PCDHGA1: variants seen among roughly 807,000 people sequenced by gnomAD.
PCDHGA1 encodes the protein protocadherin gamma-A1.
In PCDHGA1, 32 loss-of-function variants were observed where a neutral mutation model predicts 58.0. The observed-to-expected ratio is 0.55, with a 90% CI of 0.42 to 0.74. PCDHGA1 has a LOEUF of 0.74. PCDHGA1 is among the 30% of genes least tolerant of loss of function. The pLI is 0.00. For missense variants in PCDHGA1, 1,205 were observed against 1,182.3 expected (o/e 1.02, Z -0.28); for synonymous variants, 498 against 501.1 (o/e 0.99, Z 0.08).
At position 141,384,450 on chromosome 5, in the gene PCDHGA1, G is replaced by A. The variant is rs756281053; in HGVS notation, c.2421+51345G>A. On this transcript the variant is annotated intron_variant, in intron 1 of 3. Coordinates refer to ENST00000517417, the MANE Select transcript of PCDHGA1 (RefSeq NM_018912.3). ...CTGACACTGGAGTCCTGTACGCGCT[G>A]CAATCCTTTGATTATGAGCAGTTGA... is the stretch of plus-strand genomic sequence containing the variant. 4 of 1,614,040 alleles carry A rather than the reference G, an allele frequency of 2.5e-6. No homozygotes were observed. In the Admixed American group the frequency reaches 6.7e-5, roughly 27 times the overall value.
chr5:141,330,641 AC>A lies in PCDHGA1; in HGVS notation c.-41del, dbSNP rs752261572. ...TTCAGCTCAGAAAAGCAGAAACGAT[AC>A]CCTTGGTACTGGACTGGAAGAAAAC... On this transcript the variant is annotated 5_prime_UTR_variant, in exon 1 of 4. Coordinates refer to ENST00000517417, the MANE Select transcript of PCDHGA1 (RefSeq NM_018912.3). 13 of 1,524,876 alleles carry A rather than the reference AC, an allele frequency of 8.5e-6. No individual in the cohort carries two copies. Among genetic ancestry groups the A allele is most frequent in the Admixed American group, 2.2e-5 (1 of 45,818 alleles). 94.5% of individuals were successfully genotyped at this position (1,524,876 alleles called of 1,614,324 possible). A position where few individuals can be genotyped will look rare whatever the true frequency, so the allele number is the denominator to read the frequency against.
At position 141,477,118 on chromosome 5, in the gene PCDHGA1, A is replaced by T. The variant is rs2099405787; in HGVS notation, c.2422-17689A>T. The T allele has an allele frequency of 6.2e-7, 1 of 1,614,228 alleles. No homozygotes were observed. Among genetic ancestry groups the T allele is most frequent in the Non-Finnish European group, 8.5e-7 (1 of 1,180,034 alleles). On this transcript the variant is annotated intron_variant, in intron 1 of 3. Coordinates refer to ENST00000517417, the MANE Select transcript of PCDHGA1 (RefSeq NM_018912.3). This position sits in a 1 kb window ranked among gnomAD's most constrained non-coding sequence, Gnocchi z 4.9. ...ACAAGGGCGCCAATCCCGAAGGAGC[A>T]CATTGCAAAGTGTTGGTGGAGGTTG...
chr5:141,381,901 C>T (rs1036292864), intron 1 of PCDHGA1, among the ~76,000 whole-genome samples: 24 of 130,248 alleles, frequency 1.8e-4, no homozygotes, highest in African/African-American at 6.8e-4. Flanking sequence ...GTGATCTCGG[C>T]TCACCACAAC....
chr5:141,432,050 C>T lies in PCDHGA1; in HGVS notation c.2422-62757C>T. The stretch of plus-strand genomic sequence containing the variant: ...GACCGCCACTGACCGGGGAACCCCG[C>T]CCCTATCCACGGAAACTCATATCTC... On this transcript the variant is annotated intron_variant, in intron 1 of 3. Transcript: ENST00000517417. The surrounding 1 kb of genome is among the most constrained non-coding windows in gnomAD (Gnocchi z 6.0). The T allele has an allele frequency of 6.2e-7, 1 of 1,614,218 alleles. No individual in the cohort carries two copies. The highest frequency in any genetic ancestry group is 8.5e-7 in the Non-Finnish European group (1 of 1,180,044).
chr5:141,365,878 T>C (rs745332841), intron 1 of PCDHGA1: 4 of 1,614,104 alleles, frequency 2.5e-6, no homozygotes. Context: ...TCCTGTATGC[T>C]CTGAGATCCT....
intron 1 of PCDHGA1, chr5:141,441,182 CA>C (rs1434822697): frequency 6.6e-6 from 1 of 152,140 alleles, no homozygotes; most frequent in African/African-American, 2.4e-5. Flanking sequence ...TCTAATTCCA[CA>C]ATGATTCCCA....
At chr5:141,420,228 G>C (rs750839002) in intron 1 of PCDHGA1, 3 of 1,603,310 alleles carry the variant, frequency 1.9e-6, no homozygotes, top group Non-Finnish European at 2.6e-6. Flanking sequence ...CTACTGGCTA[G>C]CATTTTAACT....
At chr5:141,435,446 G>C (rs889481920) in intron 1 of PCDHGA1, among the ~76,000 whole-genome samples, 5 of 152,060 alleles carry the variant, frequency 3.3e-5, no homozygotes, top group African/African-American at 2.4e-5. Context: ...TCATTAATAC[G>C]ATATCTGTAT....
At position 141,485,221 on chromosome 5, in the gene PCDHGA1, C is replaced by A; in HGVS notation, c.2422-9586C>A. 4 of 1,614,118 alleles carry A rather than the reference C, an allele frequency of 2.5e-6. No individual in the cohort carries two copies. The highest frequency in any genetic ancestry group is 2.2e-5 in the East Asian group (1 of 44,868). ...GGACAGAAATCTGGCGGTGGGCTAC[C>A]CTTTTGTTCCTCTTTTACCACCTGG... On this transcript the variant is annotated intron_variant, in intron 1 of 3. Coordinates refer to ENST00000517417, the MANE Select transcript of PCDHGA1 (RefSeq NM_018912.3). The surrounding 1 kb of genome is among the most constrained non-coding windows in gnomAD (Gnocchi z 5.7).
chr5:141,405,164 T>C, intron 1 of PCDHGA1: 1 of 1,614,076 alleles, frequency 6.2e-7, no homozygotes, highest in East Asian at 2.2e-5. Flanking sequence ...TGTGCCCACC[T>C]CACACTTTGT....
Position 141,485,330 on chromosome 5 carries a change from C to T in PCDHGA1, c.2422-9477C>T. On this transcript the variant is annotated intron_variant, in intron 1 of 3. Transcript: ENST00000517417. This position sits in a 1 kb window ranked among gnomAD's most constrained non-coding sequence, Gnocchi z 5.7. ...TGTAGGGAATGTCGCTCAAGATTTC[C>T]TGCTGGATACGGACAGTCTGTCAGC... 6.2e-7 allele frequency: 1 copy of T among 1,614,164 alleles called. No individual in the cohort carries two copies. Among genetic ancestry groups the T allele is most frequent in the East Asian group, 2.2e-5 (1 of 44,862 alleles).
In PCDHGA1 at chr5:141,432,661, C is replaced by T; in HGVS notation, c.2422-62146C>T. ...TGCGCACGGCGCGAGCCCTGCTGGACAGAGACGCGCTCAAGCAGAGCCTCG... is the reference window on the plus strand; with the variant it reads ...TGCGCACGGCGCGAGCCCTGCTGGATAGAGACGCGCTCAAGCAGAGCCTCG... On this transcript the variant is annotated intron_variant, in intron 1 of 3. Transcript: ENST00000517417. This position sits in a 1 kb window ranked among gnomAD's most constrained non-coding sequence, Gnocchi z 6.0. 3.1e-6 allele frequency: 5 copies of T among 1,613,886 alleles called. No homozygotes were observed. In the South Asian group the frequency reaches 5.5e-5, roughly 18 times the overall value.
rs201851177 is a variant in PCDHGA1, at chr5:141,376,061, C to G, written c.2421+42956C>G. On this transcript the variant is annotated intron_variant, in intron 1 of 3. Transcript: ENST00000517417. ...GCCCCCTCTCTCCGCCACTGTCACG[C>G]TCACCGTGGCCGTGGCCGACAGGAT... is the stretch of plus-strand genomic sequence containing the variant. The G allele has an allele frequency of 8.2e-4, 1,321 of 1,613,326 alleles. No individual in the cohort carries two copies. Among genetic ancestry groups the G allele is most frequent in the Non-Finnish European group, 1.0e-3 (1,200 of 1,179,910 alleles).
chr5:141,349,894 A>G (rs554115110), intron 1 of PCDHGA1, among the ~76,000 whole-genome samples: 1 of 152,312 alleles, frequency 6.6e-6, no homozygotes, highest in Admixed American at 6.5e-5. Flanking sequence ...TGATGATGAC[A>G]AACTAGAAAA....
At chr5:141,362,487 T>A in intron 1 of PCDHGA1, 1 of 1,614,040 alleles carries the variant, frequency 6.2e-7, no homozygotes, top group Non-Finnish European at 8.5e-7. Context: ...TCTGTGACAA[T>A]GCCTCTTGGG....
At chr5:141,374,137 G>T (rs1479377011) in intron 1 of PCDHGA1, 11 of 1,606,212 alleles carry the variant, frequency 6.8e-6, no homozygotes, top group African/African-American at 1.3e-5. Flanking sequence ...TGCTCCTCAC[G>T]CTCCTGGGGA....
intron 1 of PCDHGA1, among the ~76,000 whole-genome samples, chr5:141,472,313 A>G (rs1411876003): frequency 6.7e-6 from 1 of 150,164 alleles, no homozygotes; most frequent in East Asian, 2.0e-4. Context: ...AAGCCGAGGC[A>G]GGCAGATCAC....
At chr5:141,383,843 A>G in intron 1 of PCDHGA1, 4 of 1,613,970 alleles carry the variant, frequency 2.5e-6, no homozygotes, top group Non-Finnish European at 2.5e-6. Flanking sequence ...ACTGCCTTCT[A>G]TGAAATGGAG....
At chr5:141,479,823 G>A (rs1208437635) in intron 1 of PCDHGA1, among the ~76,000 whole-genome samples, 1 of 152,172 alleles carries the variant, frequency 6.6e-6, no homozygotes, top group Admixed American at 6.5e-5. Context: ...TACTATCCAA[G>A]GCATGGTATC....
Sources: allele counts gnomAD v4.1 joint callset (sites outside exome capture counted in the v4.1 genomes callset), GRCh38; gene constraint gnomAD v4.1.1; non-coding constraint Gnocchi (gnomAD v3.1); transcripts MANE v1.5; gene names NCBI Gene and HGNC (gene_info 2026-07-23, HGNC 2026-07-21).